The following DISC1 variants were observed in gnomAD, a reference collection of about 807,000 sequenced individuals.
The protein encoded by DISC1 is disrupted in schizophrenia 1 protein.
DISC1 carries 57 observed loss-of-function variants against 84.5 expected under a neutral mutation model. The observed-to-expected ratio is 0.67, with a 90% CI of 0.55 to 0.84. The LOEUF (loss-of-function observed/expected upper bound fraction) is 0.84. DISC1 is among the 40% of genes least tolerant of loss of function. The probability of loss-of-function intolerance (pLI) is 0.00; values close to 1 mark genes in which losing one functional copy is unlikely to be tolerated. For synonymous variants in DISC1, 411 were observed against 415.2 expected, an observed-to-expected ratio of 0.99 and a Z score of 0.12; for missense variants, 1,000 against 1,057.8, an observed-to-expected ratio of 0.95 and a Z score of 0.76.
chr1:231,702,043 A>G lies in DISC1; in HGVS notation c.1117+19A>G. The stretch of plus-strand genomic sequence containing the variant: ...GATAAAGGTGAGTTTTAATTTGTTT[A>G]TTGATTGTTTTGTCATCATGTCCCA... On this transcript the variant is annotated intron_variant, in intron 3 of 12. Coordinates refer to ENST00000439617, the MANE Select transcript of DISC1 (RefSeq NM_018662.3). The G allele has an allele frequency of 6.3e-7, 1 of 1,598,402 alleles. No homozygotes were observed. The highest frequency in any genetic ancestry group is 2.2e-5 in the East Asian group (1 of 44,454).
chr1:231,715,686 A>G (rs1230117230), intron 3 of DISC1, among the ~76,000 whole-genome samples: 9 of 152,268 alleles, frequency 5.9e-5, no homozygotes, highest in African/African-American at 2.2e-4. Context: ...CTATGTCTAC[A>G]TGAAGTGCCA....
chr1:231,678,735 G>A (rs1280250903), intron 1 of DISC1, among the ~76,000 whole-genome samples: 1 of 152,010 alleles, frequency 6.6e-6, no homozygotes, highest in Non-Finnish European at 1.5e-5. Context: ...TGGCCTGATC[G>A]GCTCACTGCA....
intron 3 of DISC1, chr1:231,723,365 C>T: frequency 3.0e-6 from 3 of 985,836 alleles, no homozygotes; most frequent in Non-Finnish European, 3.6e-6. Context: ...CCTGTAAACT[C>T]AGGTCTGTGG....
chr1:231,920,658 C>T (rs1042042723), intron 9 of DISC1, among the ~76,000 whole-genome samples: 15 of 152,290 alleles, frequency 9.8e-5, no homozygotes, highest in Admixed American at 3.3e-4. Flanking sequence ...CTCCTTCATC[C>T]GTTCATCCAT....
chr1:231,884,183 G>A (rs950316936), intron 9 of DISC1, among the ~76,000 whole-genome samples: 3 of 152,134 alleles, frequency 2.0e-5, no homozygotes, highest in Non-Finnish European at 4.4e-5. Context: ...GGCAACCTCC[G>A]AGTGTGAGAG....
intron 3 of DISC1, among the ~76,000 whole-genome samples, chr1:231,733,571 T>C (rs558454703): frequency 6.8e-6 from 1 of 146,394 alleles, no homozygotes; most frequent in South Asian, 2.2e-4. Flanking sequence ...GTGGCAGTGC[T>C]GGTGATGGTG....
chr1:231,762,531 G>A (rs1406714231), intron 4 of DISC1, among the ~76,000 whole-genome samples: 1 of 103,914 alleles, frequency 9.6e-6, no homozygotes, highest in Non-Finnish European at 2.0e-5. Flanking sequence ...TTTTTTTTTT[G>A]GTAGAGATAA....
intron 2 of DISC1, among the ~76,000 whole-genome samples, chr1:231,696,037 A>G (rs1222563182): frequency 6.6e-6 from 1 of 152,100 alleles, no homozygotes; most frequent in East Asian, 1.9e-4. Context: ...CTTTCCCCGA[A>G]ACCCGTTCTG....
chr1:231,797,197 G>A (rs1294313510), intron 7 of DISC1, among the ~76,000 whole-genome samples: 1 of 152,156 alleles, frequency 6.6e-6, no homozygotes, highest in Non-Finnish European at 1.5e-5. Context: ...TGCAGATGGT[G>A]CTTATATGGG....
chr1:231,681,922 A>C (rs2063737850), intron 1 of DISC1, among the ~76,000 whole-genome samples: 1 of 151,954 alleles, frequency 6.6e-6, no homozygotes, highest in Non-Finnish European at 1.5e-5. Flanking sequence ...CTGGTCTCGA[A>C]CTCCTGACCT....
intron 9 of DISC1, among the ~76,000 whole-genome samples, chr1:231,879,598 C>A (rs2086146240): frequency 6.6e-6 from 1 of 150,732 alleles, no homozygotes; most frequent in South Asian, 2.1e-4. Flanking sequence ...AGGGAAAGGC[C>A]AGGATGGAAA....
At chr1:231,990,738 A>T (rs1665095108) in intron 10 of DISC1, among the ~76,000 whole-genome samples, 3 of 152,202 alleles carry the variant, frequency 2.0e-5, no homozygotes, top group Admixed American at 6.5e-5. Context: ...CCCTGCAGAC[A>T]CACCCTGATG....
chr1:231,664,918 A>G (rs1430191976), intron 1 of DISC1, among the ~76,000 whole-genome samples: 3 of 152,108 alleles, frequency 2.0e-5, no homozygotes, highest in Non-Finnish European at 4.4e-5. Flanking sequence ...AAAAAATAAG[A>G]AAAAGCTATG....
chr1:232,037,587 C>T lies in DISC1; in HGVS notation c.*756C>T, dbSNP rs1670599071. On this transcript the variant is annotated 3_prime_UTR_variant, in exon 13 of 13. Transcript: ENST00000439617. ...CTGTATAAAATGTTTGAGCCTGTTCCATTTTCCCGTGGAACCTGTTTCACT... is the reference window on the plus strand; with the variant it reads ...CTGTATAAAATGTTTGAGCCTGTTCTATTTTCCCGTGGAACCTGTTTCACT... 1 of 152,228 alleles carries T rather than the reference C, an allele frequency of 6.6e-6. No homozygotes were observed. The highest frequency in any genetic ancestry group is 1.5e-5 in the Non-Finnish European group (1 of 68,050). 9.4% of individuals were successfully genotyped at this position (152,228 alleles called of 1,614,324 possible). A position where few individuals can be genotyped will look rare whatever the true frequency, so the allele number is the denominator to read the frequency against.
At chr1:232,036,344 G>T (rs1670515272) in intron 12 of DISC1, among the ~76,000 whole-genome samples, 1 of 152,080 alleles carries the variant, frequency 6.6e-6, no homozygotes, top group Non-Finnish European at 1.5e-5. Flanking sequence ...TCTGACAGTT[G>T]CCCCACCCCA....
rs113037645 is a variant in DISC1 at position 231,653,024 on chromosome 1, C to T, written c.67+26090C>T. 2.3e-3 allele frequency among the ~76,000 whole-genome samples: 356 copies of T among 152,310 alleles called. 5 individuals carry two copies. Among genetic ancestry groups the T allele is most frequent in the African/African-American group, 8.2e-3 (339 of 41,562 alleles). ...TGAACTCCTGACATCCGGTGATCTG[C>T]CCGCCTTGGCCTCCCAAAGGGAGGG... is the stretch of plus-strand genomic sequence containing the variant. On this transcript the variant is annotated intron_variant, in intron 1 of 12. Coordinates refer to ENST00000439617, the MANE Select transcript of DISC1 (RefSeq NM_018662.3).
intron 1 of DISC1, among the ~76,000 whole-genome samples, chr1:231,633,884 CTT>C (rs547057206): frequency 1.4e-4 from 19 of 135,402 alleles, no homozygotes; most frequent in Non-Finnish European, 2.0e-4. Context: ...TACCTGTCAT[CTT>C]TTTTTTTTTT....
chr1:232,025,002 T>G (rs1669314987), intron 11 of DISC1, among the ~76,000 whole-genome samples: 3 of 152,234 alleles, frequency 2.0e-5, no homozygotes. Context: ...CCCTGCTTTA[T>G]TCTAAGAATC....
chr1:231,732,762 A>T (rs1051573944), intron 3 of DISC1, among the ~76,000 whole-genome samples: 1 of 152,258 alleles, frequency 6.6e-6, no homozygotes, highest in African/African-American at 2.4e-5. Flanking sequence ...AAAGTTGGAT[A>T]GTTTGCTCTT....
Sources: gnomAD v4.1 joint callset for allele counts (sites outside exome capture counted in the v4.1 genomes callset) on GRCh38, gnomAD v4.1.1 for gene constraint, MANE v1.5 for transcripts, NCBI Gene and HGNC (gene_info 2026-07-23, HGNC 2026-07-21) for gene names.